The following PRR16 variants were observed in gnomAD, a reference collection of about 807,000 sequenced individuals.
PRR16 encodes protein Largen.
Under a neutral mutation model 18.2 loss-of-function variants are expected in PRR16, and 6 were observed. The observed-to-expected ratio is 0.33, with a 90% CI of 0.18 to 0.65. PRR16 has a LOEUF of 0.65. Among genes scored for constraint, PRR16 ranks in the 30% least tolerant of loss-of-function variants. PRR16 has a pLI of 0.74. For missense variants in PRR16, 412 were observed against 376.6 expected (o/e 1.09, Z -0.78); for synonymous variants, 151 against 147.8 (o/e 1.02, Z -0.16).
chr5:120,546,956 A>C (rs1262225634), intron 1 of PRR16, among the ~76,000 whole-genome samples: 1 of 152,094 alleles, frequency 6.6e-6, no homozygotes, highest in Admixed American at 6.6e-5. Context: ...ACTCTTAGTT[A>C]CATGCCAATT....
the PRR16 span, among the ~76,000 whole-genome samples, chr5:120,737,307 G>GTT: frequency 3.9e-5 from 2 of 51,100 alleles, no homozygotes; most frequent in African/African-American, 6.7e-5. Flanking sequence ...AGTTTGTTGA[G>GTT]TTTTTTTTTT....
chr5:120,739,164 GA>G, the PRR16 span, among the ~76,000 whole-genome samples: 9 of 152,056 alleles, frequency 5.9e-5, no homozygotes, highest in Admixed American at 4.6e-4. Context: ...GAAAGATGCT[GA>G]AAAACCAAAG....
intron 1 of PRR16, among the ~76,000 whole-genome samples, chr5:120,560,616 C>T (rs1752545593): frequency 6.6e-6 from 1 of 151,928 alleles, no homozygotes; most frequent in Admixed American, 6.6e-5. Context: ...GTGTCTTTTT[C>T]TGGTTTTGGT....
the PRR16 span, among the ~76,000 whole-genome samples, chr5:120,746,772 A>G: frequency 2.6e-5 from 4 of 152,112 alleles, no homozygotes; most frequent in African/African-American, 9.7e-5. Flanking sequence ...CGGAAAACCA[A>G]TCAGGAGGAA....
intron 1 of PRR16, among the ~76,000 whole-genome samples, chr5:120,667,192 G>A (rs1561604263): frequency 1.3e-5 from 2 of 151,976 alleles, no homozygotes; most frequent in South Asian, 2.1e-4. Flanking sequence ...TCTTGGGAGA[G>A]TGTATGTGTC....
intron 1 of PRR16, among the ~76,000 whole-genome samples, chr5:120,677,497 T>C (rs1756836299): frequency 6.6e-6 from 1 of 152,234 alleles, no homozygotes; most frequent in Non-Finnish European, 1.5e-5. Flanking sequence ...TAGAAATTCC[T>C]ATAGCTCCCA....
chr5:120,614,883 A>AT (rs1754455096), intron 1 of PRR16, among the ~76,000 whole-genome samples: 1 of 152,190 alleles, frequency 6.6e-6, no homozygotes, highest in African/African-American at 2.4e-5. Context: ...GGCACCAGCT[A>AT]TAGCAGCTTG....
chr5:120,613,753 A>G (rs1754412157), intron 1 of PRR16, among the ~76,000 whole-genome samples: 1 of 152,180 alleles, frequency 6.6e-6, no homozygotes, highest in South Asian at 2.1e-4. Flanking sequence ...ACTAATAATG[A>G]GACTGAACCT....
the PRR16 span, among the ~76,000 whole-genome samples, chr5:120,792,157 A>G: frequency 1.3e-5 from 2 of 152,276 alleles, no homozygotes; most frequent in Middle Eastern, 3.4e-3. Flanking sequence ...TAAAAAATAT[A>G]GTTCTTTATT....
chr5:120,595,243 C>G (rs1753762055), intron 1 of PRR16, among the ~76,000 whole-genome samples: 1 of 151,606 alleles, frequency 6.6e-6, no homozygotes, highest in Non-Finnish European at 1.5e-5. Flanking sequence ...AATTTGCAAG[C>G]AAAATCAAAC....
At chr5:120,587,338 A>G (rs542617600) in intron 1 of PRR16, among the ~76,000 whole-genome samples, 1 of 152,350 alleles carries the variant, frequency 6.6e-6, no homozygotes, top group East Asian at 1.9e-4. Flanking sequence ...CAGATTTACA[A>G]TGAAGATGAA....
At chr5:120,788,665 T>G in the PRR16 span, among the ~76,000 whole-genome samples, 5 of 152,098 alleles carry the variant, frequency 3.3e-5, no homozygotes, top group Non-Finnish European at 5.9e-5. Flanking sequence ...TTTTCCACTT[T>G]CTTGTACAGA....
intron 1 of PRR16, among the ~76,000 whole-genome samples, chr5:120,537,443 G>T (rs1423924840): frequency 6.6e-6 from 1 of 152,060 alleles, no homozygotes; most frequent in Non-Finnish European, 1.5e-5. Context: ...TACACATGTT[G>T]CATACCAGGC....
intron 1 of PRR16, among the ~76,000 whole-genome samples, chr5:120,645,012 T>C (rs1755541590): frequency 6.6e-6 from 1 of 152,166 alleles, no homozygotes; most frequent in Admixed American, 6.6e-5. Flanking sequence ...GACTAGATGC[T>C]TTGCCAACGT....
intron 1 of PRR16, among the ~76,000 whole-genome samples, chr5:120,532,869 T>C (rs919714790): frequency 3.9e-5 from 6 of 152,188 alleles, no homozygotes; most frequent in Admixed American, 2.0e-4. Context: ...GTAACTTTTG[T>C]AAATGTCATT....
chr5:120,767,042 T>C, the PRR16 span, among the ~76,000 whole-genome samples: 1 of 151,994 alleles, frequency 6.6e-6, no homozygotes, highest in Admixed American at 6.6e-5. Context: ...AGAATGTTTA[T>C]GTATCCATTC....
chr5:120,612,322 A>G (rs762775249), intron 1 of PRR16, among the ~76,000 whole-genome samples: 1 of 152,134 alleles, frequency 6.6e-6, no homozygotes, highest in African/African-American at 2.4e-5. Context: ...TTGGGAAGGC[A>G]TGATTGGTTT....
At chr5:120,548,162 A>G (rs1752131986) in intron 1 of PRR16, among the ~76,000 whole-genome samples, 1 of 152,098 alleles carries the variant, frequency 6.6e-6, no homozygotes, top group Non-Finnish European at 1.5e-5. Context: ...CTGTAGATAG[A>G]TCAGACATGA....
chr5:120,626,897 C>T (rs1033415074), intron 1 of PRR16, among the ~76,000 whole-genome samples: 1 of 151,990 alleles, frequency 6.6e-6, no homozygotes, highest in Non-Finnish European at 1.5e-5. Context: ...AACTGAATGT[C>T]TCACTTTGGA....
Sources: allele counts gnomAD v4.1 joint callset (sites outside exome capture counted in the v4.1 genomes callset), GRCh38; gene constraint gnomAD v4.1.1; transcripts MANE v1.5; gene names NCBI Gene and HGNC (gene_info 2026-07-23, HGNC 2026-07-21).